Variants in SLC29A3 observed in about 807,000 individuals in gnomAD.
SLC29A3 encodes the protein solute carrier family 29 member 3.
A neutral mutation model predicts 25.4 loss-of-function variants in SLC29A3; 18 were observed. The observed-to-expected ratio is 0.71, with a 90% confidence interval of 0.49 to 1.05. The LOEUF is 1.05. SLC29A3 is among the 50% of genes least tolerant of loss of function. The probability of loss-of-function intolerance (pLI) is 0.00; values close to 1 mark genes in which losing one functional copy is unlikely to be tolerated. For synonymous variants in SLC29A3, 258 were observed against 267.1 expected (o/e 0.97, Z 0.33); for missense variants, 586 against 609.0 (o/e 0.96, Z 0.40).
At chr10:71,360,134 C>CTTTTTTTTTT (rs10532475) in intron 5 of SLC29A3, among the ~76,000 whole-genome samples, 1 of 71,456 alleles carries the variant, frequency 1.4e-5, no homozygotes, top group Non-Finnish European at 2.5e-5. Flanking sequence ...TCTTCTTCTT[C>CTTTTTTTTTT]TTTTTTTTTT....
At position 71,362,415 on chromosome 10, in the gene SLC29A3, A is replaced by G. The variant is rs771819865; in HGVS notation, c.1235A>G (p.Asp412Gly). The change falls in exon 6 of 6, where the codon GAT becomes GGT. Residue 412 changes from aspartate (D) to glycine (G), a missense_variant. By Grantham distance (94) the Asp-to-Gly change is moderately conservative. Coordinates refer to ENST00000373189, the MANE Select transcript of SLC29A3 (RefSeq NM_018344.6). The part of the protein sequence containing the change: ...VHLKTVVFQS[D>G]VYPALLSSLL... The stretch of plus-strand genomic sequence containing the variant: ...CTGAAGACTGTGGTCTTCCAGTCCG[A>G]TGTGTACCCCGCACTCCTCAGCTCC... 11 of 1,613,976 alleles carry G rather than the reference A, an allele frequency of 6.8e-6. No homozygotes were observed. Among genetic ancestry groups the G allele is most frequent in the Admixed American group, 1.7e-5 (1 of 60,006 alleles).
intron 1 of SLC29A3, 45 bp downstream of exon 1, chr10:71,319,355 G>GC: frequency 3.2e-6 from 2 of 617,436 alleles, no homozygotes; most frequent in Admixed American, 2.7e-5. Context: ...GGTCCCGGCC[G>GC]CCCCCAGACT....
chr10:71,351,685 T>C lies in SLC29A3; in HGVS notation c.507T>C (p.Ile169=). Reference sequence around the variant, plus strand: ...CCCGTGGCTTTTTTGCGGTCACCATTGTCTGCATGGTGATCCTCAGCGGTG... The same window carrying C: ...CCCGTGGCTTTTTTGCGGTCACCATCGTCTGCATGGTGATCCTCAGCGGTG... ...SWTRGFFAVT[I]VCMVILSGAS... is the part of the protein sequence containing the mutation. The change falls in exon 4 of 6, where the codon ATT becomes ATC. Residue 169 remains isoleucine, a synonymous_variant. Transcript: ENST00000373189. 1 of 1,614,086 alleles carries C rather than the reference T, an allele frequency of 6.2e-7. No individual in the cohort carries two copies. The highest frequency in any genetic ancestry group is 8.5e-7 in the Non-Finnish European group (1 of 1,179,920).
chr10:71,321,806 T>C (rs1419103402), intron 1 of SLC29A3, among the ~76,000 whole-genome samples: 1 of 152,204 alleles, frequency 6.6e-6, no homozygotes, highest in African/African-American at 2.4e-5. Flanking sequence ...TACCATAGAT[T>C]GAAAGTGGCT....
chr10:71,329,528 C>T (rs1327362270), intron 2 of SLC29A3, among the ~76,000 whole-genome samples: 2 of 151,624 alleles, frequency 1.3e-5, no homozygotes, highest in African/African-American at 4.8e-5. Context: ...CTAATTCATT[C>T]TGAGGGGCCT....
At chr10:71,341,331 C>T (rs1205539751) in intron 2 of SLC29A3, among the ~76,000 whole-genome samples, 3 of 152,118 alleles carry the variant, frequency 2.0e-5, no homozygotes, top group Non-Finnish European at 4.4e-5. Context: ...AGGGTAAGTC[C>T]GTCTGGAGCA....
intron 3 of SLC29A3, among the ~76,000 whole-genome samples, chr10:71,347,952 G>T (rs1846636938): frequency 6.6e-6 from 1 of 152,212 alleles, no homozygotes. Flanking sequence ...CACCATTCCT[G>T]CTGGACTTTT....
At chr10:71,340,940 A>G (rs1239438573) in intron 2 of SLC29A3, among the ~76,000 whole-genome samples, 1 of 152,200 alleles carries the variant, frequency 6.6e-6, no homozygotes, top group Non-Finnish European at 1.5e-5. Flanking sequence ...CAGAGAGCAA[A>G]CACAATGGGC....
chr10:71,380,992 C>T (rs1262188496), exon 5 of SLC29A3: 1 of 152,166 alleles, frequency 6.6e-6, no homozygotes, highest in Non-Finnish European at 1.5e-5. Context: ...ATGATCAACT[C>T]GAGGTCAATC....
At chr10:71,327,462 C>T (rs1265829364) in intron 2 of SLC29A3, among the ~76,000 whole-genome samples, 7 of 152,136 alleles carry the variant, frequency 4.6e-5, no homozygotes, top group Admixed American at 1.3e-4. Flanking sequence ...TGCCTGAGCC[C>T]GACTCTGGGC....
intron 2 of SLC29A3, among the ~76,000 whole-genome samples, chr10:71,332,730 C>G (rs938313918): frequency 6.6e-6 from 1 of 152,210 alleles, no homozygotes; most frequent in Admixed American, 6.5e-5. Flanking sequence ...ATCCCCTTGT[C>G]CACCCTCTGA....
chr10:71,326,693 G>C (rs970232322), intron 2 of SLC29A3, among the ~76,000 whole-genome samples: 1 of 152,242 alleles, frequency 6.6e-6, no homozygotes, highest in Non-Finnish European at 1.5e-5. Context: ...CCCTCGCCTC[G>C]TGTACTGCTT....
rs982694987 is a variant in SLC29A3 at position 71,349,291 on chromosome 10, T to C, written c.384-2271T>C. ...GTCCACCTTTAGGCATCTTTGGATC[T>C]AGGGGATCTCCTCTGCACCACCCCT... is the stretch of plus-strand genomic sequence containing the variant. On this transcript the variant is annotated intron_variant, in intron 3 of 5. Coordinates refer to ENST00000373189, the MANE Select transcript of SLC29A3 (RefSeq NM_018344.6). Among the ~76,000 whole-genome samples the C allele has an allele frequency of 3.5e-4, 53 of 152,184 alleles. 1 individual carries two copies. Among genetic ancestry groups the C allele is most frequent in the Non-Finnish European group, 4.4e-5 (3 of 68,032 alleles).
chr10:71,329,457 C>CGAA (rs3059614), intron 2 of SLC29A3, among the ~76,000 whole-genome samples: 52,273 of 119,890 alleles, frequency 0.44, 11,381 homozygotes, highest in African/African-American at 0.63. Flanking sequence ...GACTCTGTCT[C>CGAA]AAAAAAAAAA....
intron 2 of SLC29A3, among the ~76,000 whole-genome samples, chr10:71,334,919 CT>C (rs372755066): frequency 2.8e-4 from 39 of 141,458 alleles, no homozygotes; most frequent in African/African-American, 7.3e-4. Flanking sequence ...AATTTGCAGT[CT>C]TTTTTCCCCC....
At chr10:71,345,497 A>G (rs760688631) in intron 3 of SLC29A3, among the ~76,000 whole-genome samples, 3 of 152,208 alleles carry the variant, frequency 2.0e-5, no homozygotes, top group Non-Finnish European at 4.4e-5. Context: ...CACTTTTGCC[A>G]CACTTGACTG....
chr10:71,343,185 TG>T (rs1846459861), intron 2 of SLC29A3, among the ~76,000 whole-genome samples: 1 of 152,126 alleles, frequency 6.6e-6, no homozygotes. Flanking sequence ...TTGCCCAGGG[TG>T]GTCTCCTGGG....
chr10:71,345,825 A>C (rs965840560), intron 3 of SLC29A3, among the ~76,000 whole-genome samples: 4 of 152,144 alleles, frequency 2.6e-5, no homozygotes, highest in African/African-American at 9.7e-5. Flanking sequence ...TGCAGGCAGG[A>C]GCAGGAGGCG....
chr10:71,362,729 A>G lies in SLC29A3; in HGVS notation c.*121A>G. ...CACTTGGGGACAGAGAGCAGAGCAC[A>G]CTCGGGCCTCATCCCTCCCAAGATG... On this transcript the variant is annotated 3_prime_UTR_variant, in exon 6 of 6. Transcript: ENST00000373189. 7.4e-7 allele frequency: 1 copy of G among 1,342,620 alleles called. No individual in the cohort carries two copies. 83.2% of individuals were successfully genotyped at this position (1,342,620 alleles called of 1,614,324 possible). A position where few individuals can be genotyped will look rare whatever the true frequency, so the allele number is the denominator to read the frequency against.
Sources: allele counts gnomAD v4.1 joint callset (sites outside exome capture counted in the v4.1 genomes callset), GRCh38; gene constraint gnomAD v4.1.1; transcripts MANE v1.5; gene names NCBI Gene and HGNC (gene_info 2026-07-23, HGNC 2026-07-21).